Variants in KCNQ5 observed in about 807,000 individuals in gnomAD.
KCNQ5 encodes potassium voltage-gated channel subfamily Q member 5.
Under a neutral mutation model 98.2 loss-of-function variants are expected in KCNQ5, and 30 were observed. That is an observed-to-expected ratio of 0.31 (90% CI 0.23 to 0.41). KCNQ5 has a LOEUF of 0.41. Among genes scored for constraint, KCNQ5 ranks in the 10% least tolerant of loss-of-function variants. The pLI is 1.00. For synonymous variants in KCNQ5, 458 were observed against 449.4 expected, an observed-to-expected ratio of 1.02 and a Z score of -0.24; for missense variants, 835 against 1,182.5, an observed-to-expected ratio of 0.71 and a Z score of 4.31.
intron 1 of KCNQ5, among the ~76,000 whole-genome samples, chr6:72,786,223 G>A (rs910345271): frequency 2.0e-5 from 3 of 152,148 alleles, no homozygotes; most frequent in Non-Finnish European, 2.9e-5. Flanking sequence ...CAAGTAGTCA[G>A]TAGCCACATG....
intron 1 of KCNQ5, among the ~76,000 whole-genome samples, chr6:72,787,227 T>C (rs906874320): frequency 6.6e-6 from 1 of 152,134 alleles, no homozygotes; most frequent in African/African-American, 2.4e-5. Context: ...AATTTTTTGA[T>C]GAAAATTGTA....
At chr6:72,848,222 T>C (rs1344737464) in intron 1 of KCNQ5, among the ~76,000 whole-genome samples, 1 of 151,808 alleles carries the variant, frequency 6.6e-6, no homozygotes, top group Admixed American at 6.6e-5. Flanking sequence ...AGTTCCGGGA[T>C]ACATGGGCAG....
At chr6:72,693,232 A>AGAG (rs1202823824) in intron 1 of KCNQ5, among the ~76,000 whole-genome samples, 9 of 152,288 alleles carry the variant, frequency 5.9e-5, no homozygotes, top group Admixed American at 5.9e-4. Context: ...AATATGAAAA[A>AGAG]GAGGAGAAAC....
intron 10 of KCNQ5, among the ~76,000 whole-genome samples, chr6:73,153,042 G>A (rs980389796): frequency 4.6e-5 from 7 of 152,112 alleles, no homozygotes; most frequent in Admixed American, 3.3e-4. Context: ...GAATAGGAGA[G>A]GACCATATGC....
rs189838840 is a variant in KCNQ5 at position 72,971,926 on chromosome 6, A to C, written c.399-31982A>C. The stretch of plus-strand genomic sequence containing the variant: ...TGAGTGTAGCACACCAACATGGCAC[A>C]TGTATACATATGTAACAAACCTGCA... On this transcript the variant is annotated intron_variant, in intron 1 of 13. Transcript: ENST00000370398. 5.3e-5 allele frequency among the ~76,000 whole-genome samples: 8 copies of C among 152,320 alleles called. No individual in the cohort carries two copies. The East Asian group carries it at 1.5e-3, about 29-fold the overall frequency.
At chr6:72,826,260 A>C (rs982440951) in intron 1 of KCNQ5, among the ~76,000 whole-genome samples, 1 of 152,168 alleles carries the variant, frequency 6.6e-6, no homozygotes. Flanking sequence ...AAGATTAGTC[A>C]TTAGATCCCA....
At chr6:73,173,111 A>G (rs538926841) in intron 11 of KCNQ5, among the ~76,000 whole-genome samples, 1 of 152,212 alleles carries the variant, frequency 6.6e-6, no homozygotes, top group African/African-American at 2.4e-5. Flanking sequence ...CTATTCTTAG[A>G]CTATTTCCAA....
At chr6:72,726,267 G>A (rs1770267551) in intron 1 of KCNQ5, among the ~76,000 whole-genome samples, 1 of 149,092 alleles carries the variant, frequency 6.7e-6, no homozygotes, top group Admixed American at 6.7e-5. Flanking sequence ...CTGGAGTGCA[G>A]TGGCGCGATC....
intron 1 of KCNQ5, among the ~76,000 whole-genome samples, chr6:72,751,486 G>T (rs1222038877): frequency 6.6e-6 from 1 of 151,878 alleles, no homozygotes; most frequent in African/African-American, 2.4e-5. Flanking sequence ...TTAAAAAGGA[G>T]AAATGTAAAG....
At chr6:73,051,105 C>T (rs1229237031) in intron 3 of KCNQ5, among the ~76,000 whole-genome samples, 1 of 152,194 alleles carries the variant, frequency 6.6e-6, no homozygotes, top group African/African-American at 2.4e-5. Context: ...TGCTAGTTCA[C>T]CTTTATCAGA....
chr6:73,101,801 A>G (rs1373595671), intron 5 of KCNQ5, among the ~76,000 whole-genome samples: 1 of 152,216 alleles, frequency 6.6e-6, no homozygotes, highest in Non-Finnish European at 1.5e-5. Flanking sequence ...AATAATCATT[A>G]TTGTTAAAAT....
chr6:72,642,491 C>G (rs549483122), intron 1 of KCNQ5, among the ~76,000 whole-genome samples: 2 of 151,850 alleles, frequency 1.3e-5, no homozygotes, highest in Non-Finnish European at 2.9e-5. Flanking sequence ...ATGTGGCCAA[C>G]AAACATATGA....
At chr6:73,191,944 A>G (rs1042333904) in intron 12 of KCNQ5, among the ~76,000 whole-genome samples, 3 of 152,202 alleles carry the variant, frequency 2.0e-5, no homozygotes, top group African/African-American at 7.2e-5. Context: ...AAATTGCTTT[A>G]ATTCATTCTG....
intron 1 of KCNQ5, among the ~76,000 whole-genome samples, chr6:72,687,984 G>T (rs1768041674): frequency 1.3e-5 from 2 of 151,816 alleles, no homozygotes; most frequent in Non-Finnish European, 2.9e-5. Context: ...GACTACAGGT[G>T]CGCATCACCA....
intron 1 of KCNQ5, among the ~76,000 whole-genome samples, chr6:72,908,861 T>G (rs759266032): frequency 6.6e-6 from 1 of 152,154 alleles, no homozygotes. Context: ...AAATATTTCT[T>G]TCTTCTTTTT....
At chr6:72,716,592 G>T (rs1313445188) in intron 1 of KCNQ5, among the ~76,000 whole-genome samples, 1 of 152,186 alleles carries the variant, frequency 6.6e-6, no homozygotes, top group African/African-American at 2.4e-5. Flanking sequence ...ATTTTGTACA[G>T]AAGATTGAAT....
At chr6:72,639,592 T>C (rs2098926109) in intron 1 of KCNQ5, among the ~76,000 whole-genome samples, 1 of 152,098 alleles carries the variant, frequency 6.6e-6, no homozygotes, top group South Asian at 2.1e-4. Flanking sequence ...GAGGGTGATA[T>C]TTAGAGAGCC....
At chr6:73,168,830 C>A (rs960814590) in intron 10 of KCNQ5, among the ~76,000 whole-genome samples, 1 of 152,116 alleles carries the variant, frequency 6.6e-6, no homozygotes, top group African/African-American at 2.4e-5. Context: ...AAAATACAGG[C>A]AAGCAAAAAC....
intron 5 of KCNQ5, among the ~76,000 whole-genome samples, chr6:73,089,880 T>C (rs1019460792): frequency 6.6e-6 from 1 of 152,216 alleles, no homozygotes; most frequent in African/African-American, 2.4e-5. Flanking sequence ...AACATGCATG[T>C]GCAAGTGTCT....
Sources: gnomAD v4.1 joint callset for allele counts (sites outside exome capture counted in the v4.1 genomes callset) on GRCh38, gnomAD v4.1.1 for gene constraint, MANE v1.5 for transcripts, NCBI Gene and HGNC (gene_info 2026-07-23, HGNC 2026-07-21) for gene names.